Variants in SYNPR observed in about 807,000 individuals in gnomAD.
SYNPR encodes the protein synaptoporin.
A neutral mutation model predicts 32.9 loss-of-function variants in SYNPR; 23 were observed. The observed-to-expected ratio is 0.70, with a 90% CI of 0.50 to 0.99. The LOEUF (loss-of-function observed/expected upper bound fraction) is 0.99, where lower values mean the gene tolerates loss of function less well. Among genes scored for constraint, SYNPR ranks in the 50% least tolerant of loss-of-function variants. The pLI is 0.00. For missense variants in SYNPR, 318 were observed against 349.3 expected, an observed-to-expected ratio of 0.91 and a Z score of 0.71; for synonymous variants, 146 against 135.9, an observed-to-expected ratio of 1.07 and a Z score of -0.52.
At chr3:63,444,446 T>C (rs376255506) in intron 2 of SYNPR, 1 of 152,194 alleles carries the variant, frequency 6.6e-6, no homozygotes, top group Non-Finnish European at 1.5e-5. Flanking sequence ...CTTTTTGTTA[T>C]ACAATCAACA....
chr3:63,228,100 AC>A (rs1352375193), upstream of SYNPR, among the ~76,000 whole-genome samples: 5 of 152,320 alleles, frequency 3.3e-5, no homozygotes, highest in Admixed American at 2.6e-4. Flanking sequence ...AATGGATTAT[AC>A]AGAAAAAGAA....
At chr3:63,442,205 G>C (rs1357013854) in intron 2 of SYNPR, among the ~76,000 whole-genome samples, 1 of 137,332 alleles carries the variant, frequency 7.3e-6, no homozygotes, top group African/African-American at 3.0e-5. Context: ...GAAAGAGAGA[G>C]AGAGAAGGAG....
intron 3 of SYNPR, among the ~76,000 whole-genome samples, chr3:63,267,978 AAC>A (rs1354773171): frequency 6.6e-6 from 1 of 152,248 alleles, no homozygotes; most frequent in Non-Finnish European, 1.5e-5. Context: ...AATATTTTAA[AAC>A]AGTTCATAAC....
chr3:63,369,935 T>C (rs1302917717), intron 2 of SYNPR, among the ~76,000 whole-genome samples: 1 of 152,182 alleles, frequency 6.6e-6, no homozygotes, highest in Non-Finnish European at 1.5e-5. Flanking sequence ...TCTTGGAGCT[T>C]CTTCAGGTTC....
At chr3:63,472,690 GAAGT>G (rs142872887) in intron 2 of SYNPR, among the ~76,000 whole-genome samples, 1 of 152,238 alleles carries the variant, frequency 6.6e-6, no homozygotes, top group East Asian at 1.9e-4. Flanking sequence ...ATTGTCTGGG[GAAGT>G]AAGACACTTC....
At chr3:63,307,446 T>C (rs2086919559) in intron 2 of SYNPR, among the ~76,000 whole-genome samples, 4 of 152,028 alleles carry the variant, frequency 2.6e-5, no homozygotes, top group Admixed American at 2.6e-4. Context: ...AATTCCTTCA[T>C]TCCTTAATGT....
At chr3:63,313,746 CATATATATATCCATATATATATCCAT>C (rs2086998418) in intron 2 of SYNPR, among the ~76,000 whole-genome samples, 1 of 7,796 alleles carries the variant, frequency 1.3e-4, no homozygotes, top group Non-Finnish European at 3.6e-4. Flanking sequence ...TATATATATC[CATATATATATCCATATATATATCCAT>C]ATATATATAT....
chr3:63,220,153 G>A, the SYNPR span, among the ~76,000 whole-genome samples: 2 of 152,186 alleles, frequency 1.3e-5, no homozygotes, highest in East Asian at 1.9e-4. Flanking sequence ...AAGTGGAGGT[G>A]AGCAAGGTGA....
At chr3:63,526,841 G>A (rs1430165843) in intron 3 of SYNPR, among the ~76,000 whole-genome samples, 1 of 152,152 alleles carries the variant, frequency 6.6e-6, no homozygotes, top group African/African-American at 2.4e-5. Flanking sequence ...TGCTGGCTGA[G>A]GTACGATTCA....
intron 3 of SYNPR, among the ~76,000 whole-genome samples, chr3:63,494,505 A>ATT: frequency 4.5e-5 from 4 of 88,020 alleles, no homozygotes; most frequent in African/African-American, 1.9e-4. Flanking sequence ...ATACATATAT[A>ATT]CATATATACA....
intron 3 of SYNPR, among the ~76,000 whole-genome samples, chr3:63,492,069 A>G (rs1193211555): frequency 6.6e-6 from 1 of 152,146 alleles, no homozygotes; most frequent in Non-Finnish European, 1.5e-5. Flanking sequence ...ACCAAGGAAG[A>G]GATGCAGCTA....
chr3:63,202,457 C>T, the SYNPR span, among the ~76,000 whole-genome samples: 4 of 152,170 alleles, frequency 2.6e-5, no homozygotes, highest in Admixed American at 2.0e-4. Context: ...TTCAAAATAA[C>T]CATCACTTCA....
chr3:63,587,962 T>C (rs761772924), intron 4 of SYNPR, among the ~76,000 whole-genome samples: 6 of 152,052 alleles, frequency 3.9e-5, no homozygotes, highest in Non-Finnish European at 7.4e-5. Flanking sequence ...AAATTTCCCA[T>C]AGAACATAAT....
intron 3 of SYNPR, among the ~76,000 whole-genome samples, chr3:63,507,551 A>C (rs1243755117): frequency 6.6e-6 from 1 of 152,190 alleles, no homozygotes; most frequent in East Asian, 1.9e-4. Context: ...AGATTGATGG[A>C]AACTAAGGAA....
At chr3:63,343,108 C>T (rs11719344) in intron 2 of SYNPR, among the ~76,000 whole-genome samples, 20 of 151,812 alleles carry the variant, frequency 1.3e-4, no homozygotes, top group South Asian at 2.1e-4. Context: ...CCAGAGAAGG[C>T]GACAAGTTTG....
chr3:63,453,064 A>G (rs1260137087), intron 2 of SYNPR, among the ~76,000 whole-genome samples: 2 of 152,116 alleles, frequency 1.3e-5, no homozygotes, highest in Non-Finnish European at 2.9e-5. Context: ...AAAAATGCAG[A>G]GTCTCAGGTT....
At chr3:63,469,341 G>T (rs1168300919) in intron 2 of SYNPR, among the ~76,000 whole-genome samples, 1 of 152,114 alleles carries the variant, frequency 6.6e-6, no homozygotes, top group Non-Finnish European at 1.5e-5. Flanking sequence ...CAGAACAGTA[G>T]CTGTGTGCAT....
chr3:63,532,691 G>T (rs1232229528), intron 3 of SYNPR, among the ~76,000 whole-genome samples: 1 of 152,160 alleles, frequency 6.6e-6, no homozygotes, highest in Admixed American at 6.5e-5. Flanking sequence ...TCCAGGCCAT[G>T]GTCAGTTGCT....
At chr3:63,448,524 T>A (rs1411578912) in intron 2 of SYNPR, among the ~76,000 whole-genome samples, 1 of 152,200 alleles carries the variant, frequency 6.6e-6, no homozygotes, top group Non-Finnish European at 1.5e-5. Context: ...TGGCTTTAGA[T>A]CTCCATGAGG....
Sources: allele counts gnomAD v4.1 joint callset (sites outside exome capture counted in the v4.1 genomes callset), GRCh38; gene constraint gnomAD v4.1.1; transcripts MANE v1.5; gene names NCBI Gene and HGNC (gene_info 2026-07-23, HGNC 2026-07-21).